Variants in CPED1 observed in about 807,000 individuals in gnomAD.
CPED1 encodes cadherin-like and PC-esterase domain-containing protein 1.
In CPED1, 114 loss-of-function variants were observed where a neutral mutation model predicts 128.2. The ratio of observed to expected loss-of-function variants is 0.89; its 90% CI spans 0.76 to 1.04. The LOEUF is 1.04. CPED1 is among the 50% of genes least tolerant of loss of function. The probability of loss-of-function intolerance (pLI) is 0.00; values close to 1 mark genes in which losing one functional copy is unlikely to be tolerated. For synonymous variants in CPED1, 462 were observed against 426.7 expected, an observed-to-expected ratio of 1.08 and a Z score of -1.02; for missense variants, 1,211 against 1,207.1, an observed-to-expected ratio of 1.00 and a Z score of -0.05.
intron 2 of CPED1, among the ~76,000 whole-genome samples, chr7:121,007,209 G>A (rs569486550): frequency 6.1e-5 from 9 of 147,318 alleles, no homozygotes; most frequent in South Asian, 2.2e-4. Flanking sequence ...AGTTTGAAGC[G>A]TTGCGAAACT....
chr7:121,291,939 G>A (rs1183404329), intron 22 of CPED1, among the ~76,000 whole-genome samples: 1 of 152,098 alleles, frequency 6.6e-6, no homozygotes, highest in Non-Finnish European at 1.5e-5. Flanking sequence ...CTGTGGGTTT[G>A]TCATAAATAG....
chr7:121,175,719 G>T (rs888018959), intron 16 of CPED1, among the ~76,000 whole-genome samples: 1 of 152,024 alleles, frequency 6.6e-6, no homozygotes, highest in Non-Finnish European at 1.5e-5. Flanking sequence ...TAAAACAAAG[G>T]TCAAATTTTT....
At chr7:121,293,883 G>T (rs1199580744) in intron 22 of CPED1, among the ~76,000 whole-genome samples, 4 of 151,972 alleles carry the variant, frequency 2.6e-5, no homozygotes, top group African/African-American at 9.7e-5. Context: ...ACCTCAGTTG[G>T]AAATGCAGAA....
At chr7:121,281,295 G>T (rs747158742) in intron 22 of CPED1, among the ~76,000 whole-genome samples, 23 of 152,162 alleles carry the variant, frequency 1.5e-4, no homozygotes, top group Non-Finnish European at 3.4e-4. Flanking sequence ...CACACGTTCT[G>T]ATGATGGTTT....
chr7:121,249,626 C>G (rs1335813557), intron 18 of CPED1, among the ~76,000 whole-genome samples: 1 of 152,020 alleles, frequency 6.6e-6, no homozygotes, highest in Non-Finnish European at 1.5e-5. Context: ...TAAGCAAACA[C>G]TGAGGGAATT....
At chr7:121,288,611 C>A (rs1433605647) in intron 22 of CPED1, among the ~76,000 whole-genome samples, 1 of 151,776 alleles carries the variant, frequency 6.6e-6, no homozygotes, top group Admixed American at 6.6e-5. Context: ...TTATGAATCA[C>A]ATTTAAGATT....
intron 3 of CPED1, among the ~76,000 whole-genome samples, chr7:121,038,829 G>C (rs1016318666): frequency 6.6e-6 from 1 of 151,874 alleles, no homozygotes; most frequent in African/African-American, 2.4e-5. Flanking sequence ...TTTGCCTGAC[G>C]TTTTTCTCAT....
At chr7:121,177,390 G>A (rs535510670) in intron 16 of CPED1, among the ~76,000 whole-genome samples, 8 of 152,016 alleles carry the variant, frequency 5.3e-5, no homozygotes, top group East Asian at 3.9e-4. Flanking sequence ...TTCTCTATCC[G>A]ACTTTACAAG....
chr7:121,227,852 A>G lies in CPED1; in HGVS notation c.2056-8862A>G, dbSNP rs749401654. Among the ~76,000 whole-genome samples the G allele has an allele frequency of 1.1e-4, 17 of 152,226 alleles. No individual in the cohort carries two copies. In the South Asian group the frequency reaches 2.9e-3, roughly 26 times the overall value. On this transcript the variant is annotated intron_variant, in intron 16 of 22. Transcript: ENST00000310396. ...TATCCTTGAGGAGCTTGACAAATCT[A>G]TACTAGTTGTGGTAAGTTGGAAGGC...
At chr7:121,232,026 A>G (rs1798152607) in intron 16 of CPED1, among the ~76,000 whole-genome samples, 1 of 152,114 alleles carries the variant, frequency 6.6e-6, no homozygotes, top group South Asian at 2.1e-4. Flanking sequence ...GAAGATTGCC[A>G]CAAGGAGGAG....
At chr7:121,250,839 C>T (rs1346852970) in intron 18 of CPED1, among the ~76,000 whole-genome samples, 1 of 125,946 alleles carries the variant, frequency 7.9e-6, no homozygotes. Context: ...GCTTACCAAC[C>T]AAAAAAAGTC....
intron 2 of CPED1, among the ~76,000 whole-genome samples, chr7:120,995,959 TCC>T (rs1491296676): frequency 7.0e-5 from 10 of 142,238 alleles, no homozygotes; most frequent in African/African-American, 2.6e-4. Flanking sequence ...CTCCTCCTCC[TCC>T]TCCTCCTCCT....
In CPED1 at chr7:121,047,715, CTTTTT is replaced by C. The variant is rs530980600; in HGVS notation, c.540+731_540+735del. On this transcript the variant is annotated intron_variant, in intron 4 of 22. Transcript: ENST00000310396. The stretch of plus-strand genomic sequence containing the variant: ...TCTTCTTCTTCTTCTTCTTCTTCTT[CTTTTT>C]TTTTTTTTGAGACGTAATCTTGCTC... 2.5e-4 allele frequency among the ~76,000 whole-genome samples: 19 copies of C among 76,042 alleles called. 1 individual carries two copies. The highest frequency in any genetic ancestry group is 9.2e-4 in the African/African-American group (16 of 17,304). The allele number at this position is 76,042 out of a possible 152,430, so 49.9% of individuals were successfully genotyped here. A position where few individuals can be genotyped will look rare whatever the true frequency, so the allele number is the denominator to read the frequency against.
chr7:121,167,396 GAA>G (rs1203356929), intron 16 of CPED1, among the ~76,000 whole-genome samples: 1 of 152,048 alleles, frequency 6.6e-6, no homozygotes, highest in Non-Finnish European at 1.5e-5. Flanking sequence ...TTTCTTTATG[GAA>G]AAAAGAGTTC....
At chr7:121,226,435 T>C (rs1393128306) in intron 16 of CPED1, among the ~76,000 whole-genome samples, 3 of 152,108 alleles carry the variant, frequency 2.0e-5, no homozygotes, top group Non-Finnish European at 2.9e-5. Flanking sequence ...TTTCTAAGAA[T>C]TACAAAATAT....
At chr7:121,165,665 C>T (rs1796506268) in intron 16 of CPED1, among the ~76,000 whole-genome samples, 1 of 152,206 alleles carries the variant, frequency 6.6e-6, no homozygotes, top group Non-Finnish European at 1.5e-5. Context: ...TATGTCCCCA[C>T]CCTACTTCAG....
chr7:121,057,258 G>A (rs972815631), intron 4 of CPED1, among the ~76,000 whole-genome samples: 7 of 152,160 alleles, frequency 4.6e-5, no homozygotes, highest in Non-Finnish European at 8.8e-5. Flanking sequence ...GATTACAGGT[G>A]TGAACCACCG....
chr7:121,124,501 AAAAG>A (rs1795457349), intron 8 of CPED1, 28 bp downstream of exon 8: 5 of 1,399,102 alleles, frequency 3.6e-6, no homozygotes, highest in African/African-American at 3.0e-5. Flanking sequence ...ATTTAAAAAA[AAAAG>A]AAAAGAAAGA....
At chr7:121,280,918 A>G (rs1488207647) in intron 22 of CPED1, among the ~76,000 whole-genome samples, 1 of 152,140 alleles carries the variant, frequency 6.6e-6, no homozygotes, top group Non-Finnish European at 1.5e-5. Flanking sequence ...AACAGTATAC[A>G]TTTGTCTTAA....
Sources: gnomAD v4.1 joint callset for allele counts (sites outside exome capture counted in the v4.1 genomes callset) on GRCh38, gnomAD v4.1.1 for gene constraint, MANE v1.5 for transcripts, NCBI Gene and HGNC (gene_info 2026-07-23, HGNC 2026-07-21) for gene names.